DISC1: variants seen among roughly 807,000 people sequenced by gnomAD.
DISC1 encodes the protein DISC1 scaffold protein.
A neutral mutation model predicts 84.5 loss-of-function variants in DISC1; 57 were observed. That is an observed-to-expected ratio of 0.67 (90% confidence interval 0.55 to 0.84). DISC1 has a LOEUF of 0.84. Among genes scored for constraint, DISC1 ranks in the 40% least tolerant of loss-of-function variants. The pLI is 0.00. For synonymous variants in DISC1, 411 were observed against 415.2 expected, an observed-to-expected ratio of 0.99 and a Z score of 0.12; for missense variants, 1,000 against 1,057.8, an observed-to-expected ratio of 0.95 and a Z score of 0.76.
intron 3 of DISC1, among the ~76,000 whole-genome samples, chr1:231,727,329 T>G (rs1254628803): frequency 1.3e-5 from 2 of 152,170 alleles, no homozygotes; most frequent in Non-Finnish European, 1.5e-5. Flanking sequence ...GTCCCAGTAT[T>G]CCTCAGAGGG....
At chr1:231,722,860 C>T in intron 3 of DISC1, 1 of 1,403,218 alleles carries the variant, frequency 7.1e-7, no homozygotes, top group East Asian at 2.7e-5. Context: ...TTTCCCAGTC[C>T]CCTGTCATGG....
intron 2 of DISC1, among the ~76,000 whole-genome samples, chr1:231,697,897 C>T (rs2065918028): frequency 6.6e-6 from 1 of 152,052 alleles, no homozygotes; most frequent in South Asian, 2.1e-4. Flanking sequence ...TATTTAATGC[C>T]ATCTTTTTTT....
At chr1:231,650,584 A>G (rs1220082125) in intron 1 of DISC1, among the ~76,000 whole-genome samples, 2 of 152,052 alleles carry the variant, frequency 1.3e-5, no homozygotes, top group Non-Finnish European at 2.9e-5. Flanking sequence ...TGTTCTCTGT[A>G]TTTCCTGAAT....
At chr1:231,863,309 C>T (rs559959397) in intron 9 of DISC1, among the ~76,000 whole-genome samples, 15 of 129,132 alleles carry the variant, frequency 1.2e-4, no homozygotes, top group South Asian at 5.0e-4. Flanking sequence ...TGGCTCACTG[C>T]GGTCTCTGCC....
At chr1:231,933,568 T>C (rs1052848869) in intron 9 of DISC1, among the ~76,000 whole-genome samples, 4 of 152,210 alleles carry the variant, frequency 2.6e-5, no homozygotes, top group Admixed American at 2.6e-4. Flanking sequence ...ATTTTGATTA[T>C]GGCACACTTG....
At chr1:231,787,177 A>T (rs1057259125) in intron 6 of DISC1, among the ~76,000 whole-genome samples, 1 of 152,176 alleles carries the variant, frequency 6.6e-6, no homozygotes, top group African/African-American at 2.4e-5. Flanking sequence ...TTGCTGTTAG[A>T]TTGGGGCATG....
rs147660087 is a variant in DISC1, at chr1:231,844,859, G to A, written c.1981+26342G>A. 7.8e-3 allele frequency among the ~76,000 whole-genome samples: 1,183 copies of A among 150,824 alleles called. 7 individuals are homozygous for A. The highest frequency in any genetic ancestry group is 0.014 in the Middle Eastern group (4 of 292). Reference sequence around the variant, plus strand: ...GGAGAATGGCATGAACCTGGGAGGCGGAGCTTGCAGTGAGCTGAAACTGTG... The same window carrying A: ...GGAGAATGGCATGAACCTGGGAGGCAGAGCTTGCAGTGAGCTGAAACTGTG... On this transcript the variant is annotated intron_variant, in intron 9 of 12. Coordinates refer to ENST00000439617, the MANE Select transcript of DISC1 (RefSeq NM_018662.3).
chr1:231,908,728 C>T (rs113040060), intron 9 of DISC1, among the ~76,000 whole-genome samples: 33 of 152,168 alleles, frequency 2.2e-4, no homozygotes, highest in Admixed American at 5.9e-4. Context: ...TAGCTTGATG[C>T]GGATGGCATT....
chr1:231,846,736 G>A (rs1478768107), intron 9 of DISC1, among the ~76,000 whole-genome samples: 1 of 152,196 alleles, frequency 6.6e-6, no homozygotes, highest in Admixed American at 6.5e-5. Flanking sequence ...AGAAGAAACA[G>A]CATGAGTTTT....
At chr1:231,959,894 C>T (rs187082972) in intron 10 of DISC1, among the ~76,000 whole-genome samples, 84 of 152,296 alleles carry the variant, frequency 5.5e-4, no homozygotes, top group African/African-American at 1.6e-3. Flanking sequence ...CGCATGTGTT[C>T]GGGGCAGATT....
At chr1:231,940,349 T>C (rs984674972) in intron 9 of DISC1, among the ~76,000 whole-genome samples, 2 of 152,180 alleles carry the variant, frequency 1.3e-5, no homozygotes, top group Non-Finnish European at 2.9e-5. Flanking sequence ...TGGTTTCCCA[T>C]GGCTTGGTGA....
chr1:231,660,578 C>T (rs1030352581), intron 1 of DISC1, among the ~76,000 whole-genome samples: 11 of 152,090 alleles, frequency 7.2e-5, no homozygotes, highest in Admixed American at 1.3e-4. Flanking sequence ...CCGGGTGAAG[C>T]GATTCTCCTG....
chr1:231,959,443 A>G (rs1398004617), intron 10 of DISC1: 1 of 985,512 alleles, frequency 1.0e-6, no homozygotes, highest in African/African-American at 1.7e-5. Flanking sequence ...AGGAAAATAA[A>G]TCCCAGTCAT....
chr1:231,778,610 G>A (rs541533062), intron 6 of DISC1, among the ~76,000 whole-genome samples: 6 of 152,074 alleles, frequency 3.9e-5, no homozygotes, highest in Non-Finnish European at 1.5e-5. Flanking sequence ...ATATCCTCCC[G>A]TTTTCTTCTG....
chr1:231,715,213 T>A (rs2068525719), intron 3 of DISC1, among the ~76,000 whole-genome samples: 1 of 152,096 alleles, frequency 6.6e-6, no homozygotes, highest in African/African-American at 2.4e-5. Flanking sequence ...TAGGAGAAGA[T>A]GGGGGAACTG....
intron 9 of DISC1, among the ~76,000 whole-genome samples, chr1:231,933,878 G>A (rs937021866): frequency 6.6e-6 from 1 of 152,236 alleles, no homozygotes; most frequent in Non-Finnish European, 1.5e-5. Context: ...TCTGAGTCAG[G>A]GTGAGACACC....
intron 9 of DISC1, among the ~76,000 whole-genome samples, chr1:231,869,733 T>C (rs772436285): frequency 3.9e-5 from 6 of 152,132 alleles, no homozygotes; most frequent in Non-Finnish European, 7.4e-5. Flanking sequence ...ACACTGCCCA[T>C]TGGGCTCCAC....
At chr1:231,796,461 A>C (rs764706194) in intron 7 of DISC1, among the ~76,000 whole-genome samples, 5 of 152,022 alleles carry the variant, frequency 3.3e-5, no homozygotes, top group African/African-American at 4.8e-5. Flanking sequence ...CTTGGACCCT[A>C]GATCAGGAAA....
rs2061322743 is a variant in DISC1 at position 231,658,502 on chromosome 1, C to T, written c.67+31568C>T. 2.0e-5 allele frequency among the ~76,000 whole-genome samples: 3 copies of T among 152,314 alleles called. No individual in the cohort carries two copies. The South Asian group carries it at 6.2e-4, about 32-fold the overall frequency. On this transcript the variant is annotated intron_variant, in intron 1 of 12. Coordinates refer to ENST00000439617, the MANE Select transcript of DISC1 (RefSeq NM_018662.3). Reference sequence around the variant, plus strand: ...TCTTATCTGATTGCCCTGGCCAGAACTTCCAATACTATGTTGAATAGGAGT... The same window carrying T: ...TCTTATCTGATTGCCCTGGCCAGAATTTCCAATACTATGTTGAATAGGAGT...
Sources: allele counts gnomAD v4.1 joint callset (sites outside exome capture counted in the v4.1 genomes callset), GRCh38; gene constraint gnomAD v4.1.1; transcripts MANE v1.5; gene names NCBI Gene and HGNC (gene_info 2026-07-23, HGNC 2026-07-21).